GTF3C1: variants seen among roughly 807,000 people sequenced by gnomAD.
GTF3C1 encodes general transcription factor 3C polypeptide 1.
Under a neutral mutation model 226.7 loss-of-function variants are expected in GTF3C1, and 57 were observed. That is an observed-to-expected ratio of 0.25 (90% CI 0.20 to 0.31). The LOEUF (loss-of-function observed/expected upper bound fraction) is 0.31, where lower values mean the gene tolerates loss of function less well. Ranked by LOEUF, GTF3C1 falls within the 10% of genes least tolerant of loss-of-function variation. The pLI, the probability that GTF3C1 is intolerant of heterozygous loss-of-function variation, is 1.00. For missense variants in GTF3C1, 2,217 were observed against 2,776.1 expected, an observed-to-expected ratio of 0.80 and a Z score of 4.53; for synonymous variants, 1,090 against 1,084.8, an observed-to-expected ratio of 1.00 and a Z score of -0.09.
rs187793868 is a variant in GTF3C1, at chr16:27,487,934, T to C, written c.3700+293A>G. On this transcript the variant is annotated intron_variant, in intron 23 of 36. Transcript: ENST00000356183. ...GATGAGGCTGTTGCTGACATTTTTT[T>C]CAGCTGAGATGAAACTAGGCATTTG... Among the ~76,000 whole-genome samples, 76 of 152,346 alleles carry C rather than the reference T, an allele frequency of 5.0e-4. 1 individual carries two copies. Among genetic ancestry groups the C allele is most frequent in the African/African-American group, 1.8e-3 (74 of 41,578 alleles).
chr16:27,471,627 T>A lies in GTF3C1; in HGVS notation c.4526+121A>T, dbSNP rs2087871812. 1.3e-6 allele frequency: 1 copy of A among 754,174 alleles called. No individual in the cohort carries two copies. Among genetic ancestry groups the A allele is most frequent in the Non-Finnish European group, 2.3e-6 (1 of 442,926 alleles). The allele number at this position is 754,174 out of a possible 1,614,324, so 46.7% of individuals were successfully genotyped here. The stretch of plus-strand genomic sequence containing the variant: ...GAAACCCAAGCCGGCATCTTGCACA[T>A]GAGGCTGCGAAGGTCCCTGGCTCCT... On this transcript the variant is annotated intron_variant, in intron 30 of 36. Coordinates refer to ENST00000356183, the MANE Select transcript of GTF3C1 (RefSeq NM_001520.4). The surrounding 1 kb of genome is among the most constrained non-coding windows in gnomAD (Gnocchi z 5.0).
At chr16:27,482,562 T>G (rs973633399) in intron 26 of GTF3C1, 1 of 456,082 alleles carries the variant, frequency 2.2e-6, no homozygotes, top group Non-Finnish European at 4.4e-6. Context: ...CTGGCCTCAC[T>G]TGGCACAAGT....
intron 14 of GTF3C1, among the ~76,000 whole-genome samples, chr16:27,496,737 TTGA>T (rs943473177): frequency 6.6e-6 from 1 of 152,236 alleles, no homozygotes; most frequent in African/African-American, 2.4e-5. Flanking sequence ...TATTTCTTTG[TTGA>T]TACAAATGCG....
intron 32 of GTF3C1, among the ~76,000 whole-genome samples, chr16:27,468,688 G>A (rs2087819457): frequency 6.6e-6 from 1 of 152,106 alleles, no homozygotes; most frequent in Admixed American, 6.5e-5. Context: ...CTTAAGGCCA[G>A]GAGTTTGAAA....
chr16:27,464,558 G>C lies in GTF3C1; in HGVS notation c.5634C>G (p.Thr1878=), dbSNP rs2087754387. 6.7e-7 allele frequency: 1 copy of C among 1,494,672 alleles called. No individual in the cohort carries two copies. Among genetic ancestry groups the C allele is most frequent in the East Asian group, 2.5e-5 (1 of 40,748 alleles). 92.6% of individuals were successfully genotyped at this position (1,494,672 alleles called of 1,614,324 possible). ...CTGGCCTCTTGGCAGGGGTCATCTGGGTGCCCTCGGCGTCGGTCTCCCCAT... is the reference window on the plus strand; with the variant it reads ...CTGGCCTCTTGGCAGGGGTCATCTGCGTGCCCTCGGCGTCGGTCTCCCCAT... ...SENGETDAEG[T]QMTPAKRPAL... is the part of the protein sequence containing the mutation. The change falls in exon 34 of 37, where the codon ACC becomes ACG. Residue 1878 remains threonine, a synonymous_variant. Transcript: ENST00000356183.
chr16:27,519,911 G>A (rs1469471291), intron 6 of GTF3C1, among the ~76,000 whole-genome samples: 1 of 152,104 alleles, frequency 6.6e-6, no homozygotes, highest in African/African-American at 2.4e-5. Flanking sequence ...GTTCGCGACT[G>A]GCATGGACAA....
chr16:27,537,165 C>T (rs2089013127), intron 4 of GTF3C1, among the ~76,000 whole-genome samples: 1 of 152,188 alleles, frequency 6.6e-6, no homozygotes, highest in African/African-American at 2.4e-5. Flanking sequence ...TTGAAACTGA[C>T]ATAATTCAAC....
chr16:27,494,566 A>C (rs1470794387), intron 16 of GTF3C1, among the ~76,000 whole-genome samples, 197 bp downstream of exon 16: 1 of 152,114 alleles, frequency 6.6e-6, no homozygotes, highest in African/African-American at 2.4e-5. Flanking sequence ...TTTCTAATCT[A>C]ATCTAGTCTA....
rs1013017428 is a variant in GTF3C1 at position 27,471,368 on chromosome 16, G to A, written c.4526+380C>T. ...ATCCTGCACTGGCTGTTGGTGCTGC[G>A]AATGGGCCCAGGAGGCTTCCCAGGT... On this transcript the variant is annotated intron_variant, in intron 30 of 36. Transcript: ENST00000356183. This position sits in a 1 kb window ranked among gnomAD's most constrained non-coding sequence, Gnocchi z 5.0. Among the ~76,000 whole-genome samples, 11 of 152,222 alleles carry A rather than the reference G, an allele frequency of 7.2e-5. No homozygotes were observed. Among genetic ancestry groups the A allele is most frequent in the East Asian group, 1.9e-4 (1 of 5,192 alleles).
In GTF3C1 at chr16:27,470,323, G is replaced by T. The variant is rs543214551; in HGVS notation, c.4599C>A (p.Ala1533=). ...SFQFLDRMRA[A]GKLDQPDRFS... is the part of the protein sequence containing the mutation. ...AACGATCAGGCTGGTCCAACTTGCC[G>T]GCAGCCCGCATTCTGTCCAAAAACT... The change falls in exon 31 of 37, where the codon GCC becomes GCA. Residue 1533 remains alanine, a synonymous_variant. Coordinates refer to ENST00000356183, the MANE Select transcript of GTF3C1 (RefSeq NM_001520.4). The surrounding 1 kb of genome is among the most constrained non-coding windows in gnomAD (Gnocchi z 4.9). 1 of 1,613,592 alleles carries T rather than the reference G, an allele frequency of 6.2e-7. No individual in the cohort carries two copies. The highest frequency in any genetic ancestry group is 1.3e-5 in the African/African-American group (1 of 74,918).
intron 6 of GTF3C1, among the ~76,000 whole-genome samples, chr16:27,518,204 C>A (rs1053289709): frequency 4.6e-5 from 7 of 152,142 alleles, no homozygotes; most frequent in African/African-American, 1.7e-4. Context: ...CACACACACA[C>A]ACACATGCCT....
chr16:27,499,119 C>A (rs1344878489), intron 12 of GTF3C1, among the ~76,000 whole-genome samples: 1 of 152,222 alleles, frequency 6.6e-6, no homozygotes, highest in African/African-American at 2.4e-5. Context: ...GCTTGTGAGT[C>A]CTGAGGGCTT....
Position 27,471,878 on chromosome 16 carries a change from T to G in GTF3C1, c.4396A>C (p.Lys1466Gln), listed in dbSNP as rs1386092412. 6.2e-7 allele frequency: 1 copy of G among 1,614,090 alleles called. No individual in the cohort carries two copies. The highest frequency in any genetic ancestry group is 8.5e-7 in the Non-Finnish European group (1 of 1,179,992). Residue 1466 changes from lysine to glutamine, a missense_variant, in exon 30 of 37, where the codon AAG becomes CAG. By Grantham distance (53) the Lys-to-Gln change is moderately conservative. Coordinates refer to ENST00000356183, the MANE Select transcript of GTF3C1 (RefSeq NM_001520.4). The surrounding 1 kb of genome is among the most constrained non-coding windows in gnomAD (Gnocchi z 5.0). ...CTCTTCTGGCACTCCATGAAGGCCT[T>G]CACAAGAACGTGGTCCTTGTACTCC... ...YREYKDHVLV[K>Q]AFMECQKRSL...
Position 27,489,646 on chromosome 16 carries a change from G to A in GTF3C1, c.3249C>T (p.Asp1083=). 6.2e-7 allele frequency: 1 copy of A among 1,611,312 alleles called. No homozygotes were observed. Among genetic ancestry groups the A allele is most frequent in the South Asian group, 1.1e-5 (1 of 90,898 alleles). Residue 1083 remains aspartate, a synonymous_variant, in exon 20 of 37, where the codon GAC becomes GAT. Transcript: ENST00000356183. ...SLQKEQESAM[D]KHNLERKCAM... ...CGCACTTGCGCTCCAGGTTGTGCTTGTCCATGGCGCTCTCCTGCTCCTTCT... is the reference window on the plus strand; with the variant it reads ...CGCACTTGCGCTCCAGGTTGTGCTTATCCATGGCGCTCTCCTGCTCCTTCT...
chr16:27,522,366 C>T (rs913379885), intron 6 of GTF3C1, among the ~76,000 whole-genome samples: 2 of 152,222 alleles, frequency 1.3e-5, no homozygotes, highest in East Asian at 1.9e-4. Context: ...TGACTGACCA[C>T]GCCTTCCCCA....
chr16:27,468,479 G>A (rs1249231011), intron 32 of GTF3C1, among the ~76,000 whole-genome samples: 1 of 151,842 alleles, frequency 6.6e-6, no homozygotes, highest in Non-Finnish European at 1.5e-5. Flanking sequence ...GGCTGTGGTG[G>A]CACATGCCTA....
At chr16:27,482,715 G>C in intron 26 of GTF3C1, 1 of 442,024 alleles carries the variant, frequency 2.3e-6, no homozygotes, top group South Asian at 1.6e-5. Flanking sequence ...AGAAAACTCG[G>C]AAAGAAAACC....
In GTF3C1 at chr16:27,464,405, T is replaced by A; in HGVS notation, c.5787A>T (p.Gln1929His). The stretch of plus-strand genomic sequence containing the variant: ...GGGAACTGAACTCACCGACACCCTC[T>A]TGGTCTTCCTGTGCTGCTCCCGCTG... ...TAAAGAAQED[Q>H]EGVGEFSSPG... Residue 1929 changes from glutamine (Q) to histidine (H), a missense_variant, in exon 34 of 37, where the codon CAA (glutamine) becomes CAT (histidine). This residue lies in a region of GTF3C1 where 455 missense variants were observed against 441.9 expected (regional missense o/e 1.03). Transcript: ENST00000356183. 6.2e-7 allele frequency: 1 copy of A among 1,602,530 alleles called. No individual in the cohort carries two copies. The highest frequency in any genetic ancestry group is 8.5e-7 in the Non-Finnish European group (1 of 1,174,392).
chr16:27,467,576 A>C (rs1469517697), intron 32 of GTF3C1, among the ~76,000 whole-genome samples: 1 of 152,218 alleles, frequency 6.6e-6, no homozygotes, highest in Non-Finnish European at 1.5e-5. Context: ...TTATTTAAGA[A>C]ATACATTTGA....
Sources: allele counts gnomAD v4.1 joint callset (sites outside exome capture counted in the v4.1 genomes callset), GRCh38; gene constraint gnomAD v4.1.1; regional missense constraint gnomAD v4.1.1; non-coding constraint Gnocchi (gnomAD v3.1); transcripts MANE v1.5; gene names NCBI Gene and HGNC (gene_info 2026-07-23, HGNC 2026-07-21).